The following CAMK4 variants were observed in gnomAD, a reference collection of about 807,000 sequenced individuals.
The protein encoded by CAMK4 is calcium/calmodulin dependent protein kinase IV, also known as calcium/calmodulin-dependent protein kinase type IV.
In CAMK4, 22 loss-of-function variants were observed where a neutral mutation model predicts 44.9. The ratio of observed to expected loss-of-function variants is 0.49; its 90% CI spans 0.35 to 0.70. CAMK4 has a LOEUF of 0.70. Ranked by LOEUF, CAMK4 falls within the 30% of genes least tolerant of loss-of-function variation. The pLI, the probability that CAMK4 is intolerant of heterozygous loss-of-function variation, is 0.01. For synonymous variants in CAMK4, 218 were observed against 215.4 expected, an observed-to-expected ratio of 1.01 and a Z score of -0.11; for missense variants, 498 against 586.8, an observed-to-expected ratio of 0.85 and a Z score of 1.56.
intron 1 of CAMK4, among the ~76,000 whole-genome samples, chr5:111,336,431 A>G (rs1054479651): frequency 6.6e-6 from 1 of 151,116 alleles, no homozygotes; most frequent in African/African-American, 2.4e-5. Context: ...TTCTAAAATT[A>G]TATTTACACA....
intron 5 of CAMK4, among the ~76,000 whole-genome samples, chr5:111,437,698 C>A (rs1753695005): frequency 6.6e-6 from 1 of 151,964 alleles, no homozygotes; most frequent in African/African-American, 2.4e-5. Flanking sequence ...AGGGCTCAGG[C>A]AGGGAACAGC....
intron 1 of CAMK4, among the ~76,000 whole-genome samples, chr5:111,310,234 A>G (rs1201417175): frequency 6.6e-6 from 1 of 151,884 alleles, no homozygotes; most frequent in Non-Finnish European, 1.5e-5. Flanking sequence ...CACTGTTTCT[A>G]CCTCCTCACC....
chr5:111,235,800 T>C (rs980918597), intron 1 of CAMK4, among the ~76,000 whole-genome samples: 54 of 152,100 alleles, frequency 3.6e-4, no homozygotes, highest in African/African-American at 9.7e-5. Context: ...CAGCAGAGCG[T>C]TGGTCCGAGC....
In CAMK4 at chr5:111,454,005, TTCTTA is replaced by T. The variant is rs138847367; in HGVS notation, c.625+4807_625+4811del. ...AAAGGCATGCTCCAGGCTGGACGCT[TTCTTA>T]TCTTTCAGAATTAACAAGCCACAGG... On this transcript the variant is annotated intron_variant, in intron 7 of 10. Coordinates refer to ENST00000282356, the MANE Select transcript of CAMK4 (RefSeq NM_001744.6). 9.5e-3 allele frequency among the ~76,000 whole-genome samples: 1,437 copies of T among 151,976 alleles called. 20 individuals are homozygous for T. The highest frequency in any genetic ancestry group is 0.033 in the African/African-American group (1,373 of 41,242).
chr5:111,446,811 T>A lies in CAMK4; in HGVS notation c.550+35T>A. 2.3e-6 allele frequency: 3 copies of A among 1,311,800 alleles called. No homozygotes were observed. The East Asian group carries it at 6.9e-5, about 30-fold the overall frequency. The allele number at this position is 1,311,800 out of a possible 1,614,324, so 81.3% of individuals were successfully genotyped here. A position where few individuals can be genotyped will look rare whatever the true frequency, so the allele number is the denominator to read the frequency against. On this transcript the variant is annotated intron_variant, in intron 6 of 10. Transcript: ENST00000282356. ...TTTCTTCTTGTTTTGTGACCCCTTT[T>A]TTCAGAGCAGAAAAAATTTTACTGT... is the stretch of plus-strand genomic sequence containing the variant.
At chr5:111,425,395 A>G (rs1753189767) in intron 5 of CAMK4, among the ~76,000 whole-genome samples, 1 of 152,232 alleles carries the variant, frequency 6.6e-6, no homozygotes, top group Non-Finnish European at 1.5e-5. Flanking sequence ...GAGCCTATGC[A>G]TAACAAGGCT....
At chr5:111,435,250 A>C (rs1018219652) in intron 5 of CAMK4, among the ~76,000 whole-genome samples, 3 of 152,166 alleles carry the variant, frequency 2.0e-5, no homozygotes, top group Non-Finnish European at 4.4e-5. Context: ...TACATTGGTG[A>C]ATGTAAATTT....
rs964515043 is a variant in CAMK4, at chr5:111,288,338, T to C, written c.162-55686T>C. On this transcript the variant is annotated intron_variant, in intron 1 of 10. Transcript: ENST00000282356. ...TCTGGGGTTGGTGATTGGAAGAGGATTGGTGCTCATAGGGATGCATATTTT... is the reference window on the plus strand; with the variant it reads ...TCTGGGGTTGGTGATTGGAAGAGGACTGGTGCTCATAGGGATGCATATTTT... Among the ~76,000 whole-genome samples, 11 of 152,304 alleles carry C rather than the reference T, an allele frequency of 7.2e-5. 1 individual carries two copies. Among genetic ancestry groups the C allele is most frequent in the East Asian group, 3.9e-4 (2 of 5,186 alleles).
intron 7 of CAMK4, among the ~76,000 whole-genome samples, chr5:111,466,713 A>T (rs1157044604): frequency 1.3e-5 from 2 of 152,190 alleles, no homozygotes; most frequent in African/African-American, 4.8e-5. Context: ...CACAAATGGG[A>T]CATGTCCCAT....
chr5:111,422,438 C>A (rs968287186), intron 5 of CAMK4, among the ~76,000 whole-genome samples: 9 of 152,138 alleles, frequency 5.9e-5, no homozygotes, highest in Non-Finnish European at 1.3e-4. Context: ...CCAGTGAAAC[C>A]CCAGGCTGTT....
intron 4 of CAMK4, among the ~76,000 whole-genome samples, chr5:111,381,913 C>T (rs940260251): frequency 3.3e-5 from 4 of 121,698 alleles, no homozygotes; most frequent in South Asian, 3.4e-4. Flanking sequence ...AGTATACTCA[C>T]TATGCAAATA....
chr5:111,333,901 A>G (rs1219248984), intron 1 of CAMK4, among the ~76,000 whole-genome samples: 1 of 151,582 alleles, frequency 6.6e-6, no homozygotes, highest in Admixed American at 6.6e-5. Context: ...ATAAGCTGAC[A>G]TGAGGCTGAA....
At chr5:111,334,000 G>A (rs991178075) in intron 1 of CAMK4, among the ~76,000 whole-genome samples, 1 of 151,380 alleles carries the variant, frequency 6.6e-6, no homozygotes, top group African/African-American at 2.4e-5. Flanking sequence ...GAAGTGAGGT[G>A]CTTACGCTTG....
In CAMK4 at chr5:111,296,421, G is replaced by T. The variant is rs139421645; in HGVS notation, c.162-47603G>T. ...TGGTTCATTAGGGATGAATGTTTGG[G>T]TTACAAAAAATAAAATTAACTCCTG... On this transcript the variant is annotated intron_variant, in intron 1 of 10. Transcript: ENST00000282356. 2.0e-5 allele frequency among the ~76,000 whole-genome samples: 3 copies of T among 152,240 alleles called. No homozygotes were observed. In the East Asian group the frequency reaches 5.8e-4, roughly 29 times the overall value.
At chr5:111,471,460 C>G (rs1755063352) in intron 7 of CAMK4, among the ~76,000 whole-genome samples, 2 of 152,064 alleles carry the variant, frequency 1.3e-5, no homozygotes, top group Admixed American at 6.6e-5. Context: ...AACATTGTCC[C>G]CACAAACTTT....
rs527966495 is a variant in CAMK4 at position 111,492,905 on chromosome 5, C to T, written c.*8439C>T. 1 of 152,188 alleles carries T rather than the reference C, an allele frequency of 6.6e-6. No homozygotes were observed. Among genetic ancestry groups the T allele is most frequent in the South Asian group, 2.1e-4 (1 of 4,818 alleles). The allele number at this position is 152,188 out of a possible 1,614,324, so 9.4% of individuals were successfully genotyped here. Reference sequence around the variant, plus strand: ...GAAAGAGGGAAAAGCTCCCTTTTGCCAGGAATGATGAAGGAAAGCTTTATG... The same window carrying T: ...GAAAGAGGGAAAAGCTCCCTTTTGCTAGGAATGATGAAGGAAAGCTTTATG... On this transcript the variant is annotated 3_prime_UTR_variant, in exon 11 of 11. Coordinates refer to ENST00000282356, the MANE Select transcript of CAMK4 (RefSeq NM_001744.6).
chr5:111,399,472 G>C (rs1182224375), intron 5 of CAMK4, among the ~76,000 whole-genome samples: 2 of 152,106 alleles, frequency 1.3e-5, no homozygotes, highest in Non-Finnish European at 2.9e-5. Context: ...TCTGTTTTGT[G>C]TTTATTATCT....
intron 1 of CAMK4, among the ~76,000 whole-genome samples, chr5:111,334,684 C>A (rs561328615): frequency 6.6e-6 from 1 of 151,550 alleles, no homozygotes; most frequent in African/African-American, 2.4e-5. Context: ...ATATTTTCAA[C>A]CTATGATTGA....
intron 1 of CAMK4, among the ~76,000 whole-genome samples, chr5:111,232,162 G>A (rs1457877602): frequency 6.6e-6 from 1 of 152,146 alleles, no homozygotes; most frequent in Non-Finnish European, 1.5e-5. Flanking sequence ...GGTGGGGTAA[G>A]GGCCTAGAGT....
Sources: gnomAD v4.1 joint callset for allele counts (sites outside exome capture counted in the v4.1 genomes callset) on GRCh38, gnomAD v4.1.1 for gene constraint, MANE v1.5 for transcripts, NCBI Gene and HGNC (gene_info 2026-07-23, HGNC 2026-07-21) for gene names.